The following EPHA6 variants were observed in gnomAD, a reference collection of about 807,000 sequenced individuals.
EPHA6 encodes the protein EPH receptor A6.
In EPHA6, 50 loss-of-function variants were observed where a neutral mutation model predicts 112.0. The observed-to-expected ratio is 0.45, with a 90% CI of 0.36 to 0.56. EPHA6 has a LOEUF of 0.56. EPHA6 is among the 20% of genes least tolerant of loss of function. The probability of loss-of-function intolerance (pLI) is 0.00; values close to 1 mark genes in which losing one functional copy is unlikely to be tolerated. For missense variants in EPHA6, 1,280 were observed against 1,417.4 expected, an observed-to-expected ratio of 0.90 and a Z score of 1.56; for synonymous variants, 529 against 490.7, an observed-to-expected ratio of 1.08 and a Z score of -1.03.
intron 3 of EPHA6, among the ~76,000 whole-genome samples, chr3:97,167,044 C>T (rs1207758937): frequency 6.6e-6 from 1 of 152,120 alleles, no homozygotes; most frequent in Admixed American, 6.6e-5. Context: ...TTAATGTGAT[C>T]TACCAGAGGC....
At chr3:97,254,505 T>C (rs1353125402) in intron 5 of EPHA6, among the ~76,000 whole-genome samples, 1 of 152,158 alleles carries the variant, frequency 6.6e-6, no homozygotes, top group Non-Finnish European at 1.5e-5. Flanking sequence ...TATTTAAATT[T>C]AAACTATAAC....
intron 3 of EPHA6, among the ~76,000 whole-genome samples, chr3:97,187,747 G>GAAAGAA (rs1559784809): frequency 1.6e-5 from 2 of 124,094 alleles, no homozygotes; most frequent in African/African-American, 6.1e-5. Context: ...GAAAGAAAGA[G>GAAAGAA]GAAAGAAAGA....
chr3:97,190,507 A>G (rs895394126), intron 3 of EPHA6, among the ~76,000 whole-genome samples: 2 of 152,140 alleles, frequency 1.3e-5, no homozygotes, highest in African/African-American at 4.8e-5. Flanking sequence ...AGCTGGCATG[A>G]AAACATCCCC....
chr3:97,148,184 T>C (rs2076088585), intron 3 of EPHA6, among the ~76,000 whole-genome samples: 1 of 152,044 alleles, frequency 6.6e-6, no homozygotes, highest in African/African-American at 2.4e-5. Flanking sequence ...AAAATGCACA[T>C]CTTAGGTTGG....
intron 3 of EPHA6, among the ~76,000 whole-genome samples, chr3:96,992,395 T>A (rs1368576769): frequency 6.6e-6 from 1 of 152,146 alleles, no homozygotes; most frequent in Non-Finnish European, 1.5e-5. Context: ...GTTTCTACAA[T>A]CTGGAAATCT....
At chr3:97,248,177 A>G (rs2079036465) in intron 5 of EPHA6, among the ~76,000 whole-genome samples, 1 of 152,068 alleles carries the variant, frequency 6.6e-6, no homozygotes, top group Non-Finnish European at 1.5e-5. Context: ...AGTTTGATAA[A>G]TAAGATTATG....
intron 2 of EPHA6, among the ~76,000 whole-genome samples, chr3:96,915,883 AC>A (rs1559828140): frequency 6.6e-6 from 1 of 152,128 alleles, no homozygotes; most frequent in South Asian, 2.1e-4. Context: ...TGAGAAAAAA[AC>A]ATCTGGGAAA....
intron 2 of EPHA6, among the ~76,000 whole-genome samples, chr3:96,973,272 A>G (rs1271389273): frequency 1.3e-5 from 2 of 152,212 alleles, no homozygotes; most frequent in Non-Finnish European, 2.9e-5. Context: ...ACTTCAGATG[A>G]TACAGCCCCC....
At chr3:97,367,880 C>T (rs183445054) in intron 5 of EPHA6, among the ~76,000 whole-genome samples, 335 of 152,174 alleles carry the variant, frequency 2.2e-3, no homozygotes, top group South Asian at 0.015. Context: ...TAAAAAAAGT[C>T]AATACATTTA....
intron 1 of EPHA6, among the ~76,000 whole-genome samples, chr3:96,859,081 T>A (rs1351360734): frequency 1.3e-5 from 2 of 151,712 alleles, no homozygotes; most frequent in Admixed American, 6.6e-5. Context: ...AATGTTCTTT[T>A]CTAAGACATA....
At chr3:96,855,571 C>T (rs867008936) in intron 1 of EPHA6, among the ~76,000 whole-genome samples, 3 of 151,268 alleles carry the variant, frequency 2.0e-5, no homozygotes, top group Non-Finnish European at 2.9e-5. Context: ...GAGAGGCCTC[C>T]GAATTGTATC....
At chr3:97,357,490 C>T (rs1009810890) in intron 5 of EPHA6, among the ~76,000 whole-genome samples, 1 of 152,194 alleles carries the variant, frequency 6.6e-6, no homozygotes, top group Admixed American at 6.5e-5. Context: ...GCATGAGCCA[C>T]TGTGCCCAAC....
At chr3:97,643,851 A>T (rs987001107) in intron 14 of EPHA6, among the ~76,000 whole-genome samples, 1 of 150,406 alleles carries the variant, frequency 6.6e-6, no homozygotes, top group African/African-American at 2.4e-5. Context: ...AGACTTTAAC[A>T]CCCCACTGTC....
chr3:96,967,745 AT>A (rs2042176704), intron 2 of EPHA6, among the ~76,000 whole-genome samples: 1 of 151,430 alleles, frequency 6.6e-6, no homozygotes, highest in African/African-American at 2.4e-5. Context: ...ACTTCGATTG[AT>A]TTTTGTGATC....
At chr3:97,191,483 G>A (rs970014597) in intron 3 of EPHA6, among the ~76,000 whole-genome samples, 5 of 151,500 alleles carry the variant, frequency 3.3e-5, no homozygotes, top group African/African-American at 1.2e-4. Context: ...TACCTTCCCA[G>A]CCTCTGGTAA....
At chr3:96,974,946 A>AG (rs780373107) in intron 2 of EPHA6, among the ~76,000 whole-genome samples, 1 of 152,078 alleles carries the variant, frequency 6.6e-6, no homozygotes, top group Non-Finnish European at 1.5e-5. Context: ...AGTCCCAGAG[A>AG]GGGGGTCAGT....
At chr3:97,172,496 A>G (rs1020938386) in intron 3 of EPHA6, among the ~76,000 whole-genome samples, 4 of 152,002 alleles carry the variant, frequency 2.6e-5, no homozygotes, top group African/African-American at 9.7e-5. Flanking sequence ...TCATTCTAAA[A>G]TCTGTTATTG....
chr3:97,004,320 T>C (rs753027469), intron 3 of EPHA6, among the ~76,000 whole-genome samples: 1 of 152,228 alleles, frequency 6.6e-6, no homozygotes, highest in Non-Finnish European at 1.5e-5. Context: ...TTCTTGACTT[T>C]TTAATAATCA....
At chr3:97,103,272 G>A (rs778862266) in intron 3 of EPHA6, among the ~76,000 whole-genome samples, 22 of 151,970 alleles carry the variant, frequency 1.4e-4, no homozygotes, top group Non-Finnish European at 2.2e-4. Flanking sequence ...TTCATAGTTC[G>A]AGGTTTTACA....
Sources: gnomAD v4.1 joint callset for allele counts (sites outside exome capture counted in the v4.1 genomes callset) on GRCh38, gnomAD v4.1.1 for gene constraint, MANE v1.5 for transcripts, NCBI Gene and HGNC (gene_info 2026-07-23, HGNC 2026-07-21) for gene names.